Variants in MCOLN3 observed in about 807,000 individuals in gnomAD.
MCOLN3 encodes mucolipin TRP cation channel 3.
MCOLN3 carries 62 observed loss-of-function variants against 69.4 expected under a neutral mutation model. The observed-to-expected ratio is 0.89, with a 90% CI of 0.73 to 1.10. The LOEUF (loss-of-function observed/expected upper bound fraction) is 1.10, where lower values mean the gene tolerates loss of function less well. MCOLN3 is among the 50% of genes least tolerant of loss of function. MCOLN3 has a pLI of 0.00. For missense variants in MCOLN3, 564 were observed against 656.4 expected, an observed-to-expected ratio of 0.86 and a Z score of 1.54; for synonymous variants, 183 against 217.0, an observed-to-expected ratio of 0.84 and a Z score of 1.38.
At position 85,021,124 on chromosome 1, in the gene MCOLN3, A is replaced by G. The variant is rs748519156; in HGVS notation, c.1473T>C (p.Tyr491=). Residue 491 remains tyrosine (Y), a synonymous_variant, in exon 12 of 13, where the codon TAT becomes TAC. Coordinates refer to ENST00000370589, the MANE Select transcript of MCOLN3 (RefSeq NM_018298.11). ...GTGCAATGAAAAGACTTAAAATCAT[A>G]TATATAAAGAGGCTGATGAATGAGT... ...YLYSFISLFI[Y]MILSLFIALI... 2 of 1,612,162 alleles carry G rather than the reference A, an allele frequency of 1.2e-6. No homozygotes were observed. Among genetic ancestry groups the G allele is most frequent in the East Asian group, 2.2e-5 (1 of 44,826 alleles).
At chr1:85,033,438 C>T (rs1652637961) in intron 4 of MCOLN3, among the ~76,000 whole-genome samples, 1 of 152,094 alleles carries the variant, frequency 6.6e-6, no homozygotes, top group Admixed American at 6.6e-5. Flanking sequence ...TTTTCCCTTT[C>T]AGTACTGTTA....
rs771886637 is a variant in MCOLN3 at position 85,021,324 on chromosome 1, A to T, written c.1321-48T>A. 4.8e-6 allele frequency: 7 copies of T among 1,472,166 alleles called. No homozygotes were observed. In the East Asian group the frequency reaches 1.6e-4, roughly 33 times the overall value. The allele number at this position is 1,472,166 out of a possible 1,614,324, so 91.2% of individuals were successfully genotyped here. A position where few individuals can be genotyped will look rare whatever the true frequency, so the allele number is the denominator to read the frequency against. On this transcript the variant is annotated intron_variant, in intron 11 of 12. Transcript: ENST00000370589. The stretch of plus-strand genomic sequence containing the variant: ...TTCACTTTATTCCATGTTCCTTCCC[A>T]TTGGAGACCTTTGTTCATGACATTG...
intron 3 of MCOLN3, 121 bp from the exon 4 acceptor site, chr1:85,034,372 TG>T (rs1306511066): frequency 3.2e-6 from 3 of 941,506 alleles, no homozygotes; most frequent in Non-Finnish European, 1.6e-6. Context: ...ACATTCACTT[TG>T]ATAAACAGGG....
At chr1:85,019,347 G>C (rs779280616) in intron 12 of MCOLN3, 90 bp from the exon 13 acceptor site, 10 of 1,304,276 alleles carry the variant, frequency 7.7e-6, no homozygotes, top group Non-Finnish European at 1.1e-5. Context: ...TGGCAAGGGA[G>C]GGGGTTTTCT....
At chr1:85,021,653 TTAAGA>T (rs1489289774) in intron 11 of MCOLN3, among the ~76,000 whole-genome samples, 3 of 152,232 alleles carry the variant, frequency 2.0e-5, no homozygotes, top group African/African-American at 7.2e-5. Flanking sequence ...TTCATTTCAT[TTAAGA>T]TAAGAGCATA....
chr1:85,038,967 C>T (rs868500268), intron 3 of MCOLN3, among the ~76,000 whole-genome samples: 3 of 151,786 alleles, frequency 2.0e-5, no homozygotes, highest in Non-Finnish European at 4.4e-5. Context: ...TGCACTTCAG[C>T]CTGGGTGACA....
rs12407489 is a variant in MCOLN3 at position 85,039,047 on chromosome 1, T to C, written c.396+1963A>G. ...AAAATATTAACTCACATTTTTTCTA[T>C]TCATTTCTCAGAAGCCTGAAAGAGA... On this transcript the variant is annotated intron_variant, in intron 3 of 12. Transcript: ENST00000370589. Among the ~76,000 whole-genome samples the C allele has an allele frequency of 4.8e-3, 729 of 152,244 alleles. 14 individuals are homozygous for C. The highest frequency in any genetic ancestry group is 0.033 in the Admixed American group (508 of 15,288).
intron 3 of MCOLN3, among the ~76,000 whole-genome samples, chr1:85,039,964 T>A (rs1350290953): frequency 2.2e-5 from 3 of 134,116 alleles, no homozygotes; most frequent in South Asian, 4.9e-4. Context: ...AAAAAAAAAA[T>A]TTAATGAACT....
Position 85,041,070 on chromosome 1 carries a change from G to T in MCOLN3, c.336C>A (p.Asp112Glu). Residue 112 changes from aspartate to glutamate, a missense_variant, in exon 3 of 13, where the codon GAC (aspartate) becomes GAA (glutamate). Transcript: ENST00000370589. Reference sequence around the variant, plus strand: ...CACTTTGTGTGTACACTGCATATGTGTCATCCATTCGGTCCATATATCCTT... The same window carrying T: ...CACTTTGTGTGTACACTGCATATGTTTCATCCATTCGGTCCATATATCCTT... ...FLKGYMDRMDDTYAVYTQSDV... is the reference protein window; with the variant it reads ...FLKGYMDRMDETYAVYTQSDV... 6.2e-7 allele frequency: 1 copy of T among 1,614,048 alleles called. No individual in the cohort carries two copies. Among genetic ancestry groups the T allele is most frequent in the African/African-American group, 1.3e-5 (1 of 75,026 alleles).
At chr1:85,047,779 GAC>G (rs1045667602) in intron 1 of MCOLN3, among the ~76,000 whole-genome samples, 3 of 152,122 alleles carry the variant, frequency 2.0e-5, no homozygotes, top group Admixed American at 2.0e-4. Flanking sequence ...AACAAGGGTT[GAC>G]ACTTTTGTTG....
intron 3 of MCOLN3, among the ~76,000 whole-genome samples, chr1:85,039,084 T>C (rs1652939088): frequency 6.6e-6 from 1 of 152,080 alleles, no homozygotes; most frequent in Non-Finnish European, 1.5e-5. Context: ...CTGACCTCAT[T>C]AGACCTCATT....
At chr1:85,029,656 G>A (rs1652405024) in intron 6 of MCOLN3, 2 of 152,780 alleles carry the variant, frequency 1.3e-5, no homozygotes, top group Admixed American at 1.3e-4. Context: ...GACATTTCAA[G>A]TGGAGCTTTT....
chr1:85,045,071 G>A lies in MCOLN3; in HGVS notation c.228+62C>T, dbSNP rs531926806. ...AAAGTTATTTAAAAAAAAAACCACT[G>A]TCCATAGTTATCTTTGTAATTAAAA... is the stretch of plus-strand genomic sequence containing the variant. On this transcript the variant is annotated intron_variant, in intron 2 of 12. Transcript: ENST00000370589. 1.6e-4 allele frequency: 215 copies of A among 1,312,714 alleles called. No homozygotes were observed. In the South Asian group the frequency reaches 2.9e-3, roughly 17 times the overall value. The allele number at this position is 1,312,714 out of a possible 1,614,324, so 81.3% of individuals were successfully genotyped here.
chr1:85,041,235 G>A (rs1653048674), intron 2 of MCOLN3, 58 bp from the exon 3 acceptor site: 3 of 1,460,662 alleles, frequency 2.1e-6, no homozygotes, highest in Non-Finnish European at 1.9e-6. Context: ...AAAAAGCAGA[G>A]CAGAAGGTAC....
intron 3 of MCOLN3, among the ~76,000 whole-genome samples, 180 bp downstream of exon 3, chr1:85,040,830 T>C (rs998740907): frequency 6.6e-6 from 1 of 152,184 alleles, no homozygotes; most frequent in Non-Finnish European, 1.5e-5. Flanking sequence ...TCTCAACTTC[T>C]GGTTTTATAA....
chr1:85,039,524 T>C (rs1212949155), intron 3 of MCOLN3, among the ~76,000 whole-genome samples: 1 of 152,200 alleles, frequency 6.6e-6, no homozygotes, highest in Non-Finnish European at 1.5e-5. Flanking sequence ...GTCTCAGGTA[T>C]TTTGTTGCAG....
chr1:85,045,158 A>C lies in MCOLN3; in HGVS notation c.203T>G (p.Leu68Arg). 6.2e-7 allele frequency: 1 copy of C among 1,613,858 alleles called. No homozygotes were observed. The highest frequency in any genetic ancestry group is 8.5e-7 in the Non-Finnish European group (1 of 1,179,952). The change falls in exon 2 of 13, where the codon CTA (leucine) becomes CGA (arginine). Residue 68 changes from leucine (L) to arginine (R), a missense_variant. Transcript: ENST00000370589. The part of the protein sequence containing the change: ...RKPWKLAIQI[L>R]KIAMVTIQLV... ...CTGGATAGTCACCATTGCAATTTTTAGAATTTGTATGGCAAGTTTCCATGG... is the reference window on the plus strand; with the variant it reads ...CTGGATAGTCACCATTGCAATTTTTCGAATTTGTATGGCAAGTTTCCATGG...
intron 3 of MCOLN3, among the ~76,000 whole-genome samples, chr1:85,036,444 C>T (rs888010997): frequency 2.6e-5 from 4 of 152,190 alleles, no homozygotes; most frequent in East Asian, 1.9e-4. Context: ...CCACCTCAAC[C>T]TCCCAAAGTG....
chr1:85,041,448 A>G lies in MCOLN3; in HGVS notation c.229-271T>C, dbSNP rs566059142. ...CATGTTTAAATTAAAGTATATTAAC[A>G]TAATGTGTCCTTAATAGTCACGCAG... On this transcript the variant is annotated intron_variant, in intron 2 of 12. Coordinates refer to ENST00000370589, the MANE Select transcript of MCOLN3 (RefSeq NM_018298.11). 8.5e-5 allele frequency among the ~76,000 whole-genome samples: 13 copies of G among 152,354 alleles called. No individual in the cohort carries two copies. The South Asian group carries it at 2.7e-3, about 32-fold the overall frequency.
Sources: allele counts gnomAD v4.1 joint callset (sites outside exome capture counted in the v4.1 genomes callset), GRCh38; gene constraint gnomAD v4.1.1; transcripts MANE v1.5; gene names NCBI Gene and HGNC (gene_info 2026-07-23, HGNC 2026-07-21).